The following SCYL2 variants were observed in gnomAD, a reference collection of about 807,000 sequenced individuals.
SCYL2 encodes the protein SCY1-like protein 2.
In SCYL2, 36 loss-of-function variants were observed where a neutral mutation model predicts 100.4. That is an observed-to-expected ratio of 0.36 (90% CI 0.27 to 0.47). The LOEUF (loss-of-function observed/expected upper bound fraction) is 0.47. SCYL2 is among the 20% of genes least tolerant of loss of function. The pLI is 1.00. For missense variants in SCYL2, 902 were observed against 1,083.9 expected (o/e 0.83, Z 2.36); for synonymous variants, 330 against 359.2 (o/e 0.92, Z 0.92).
chr12:100,329,511 AG>A, intron 13 of SCYL2, among the ~76,000 whole-genome samples, 192 bp downstream of exon 13: 2 of 152,320 alleles, frequency 1.3e-5, no homozygotes, highest in South Asian at 4.1e-4. Flanking sequence ...GTAAATGAGC[AG>A]GATGTTGAGA....
chr12:100,335,597 G>A (rs1226057544), intron 14 of SCYL2, 28 bp from the exon 15 acceptor site: 1 of 1,502,292 alleles, frequency 6.7e-7, no homozygotes, highest in East Asian at 2.3e-5. Context: ...TCTTTTTATT[G>A]TTTTATCATA....
chr12:100,285,103 A>G (rs576273932), intron 2 of SCYL2, among the ~76,000 whole-genome samples: 5 of 152,332 alleles, frequency 3.3e-5, no homozygotes, highest in Admixed American at 3.3e-4. Flanking sequence ...TCATGAGTGT[A>G]CAGCTTGATA....
At chr12:100,293,123 T>C (rs2096312522) in intron 3 of SCYL2, among the ~76,000 whole-genome samples, 1 of 151,972 alleles carries the variant, frequency 6.6e-6, no homozygotes, top group Non-Finnish European at 1.5e-5. Flanking sequence ...GCCTCTTCTT[T>C]TTCTTTTTTA....
In SCYL2 at chr12:100,337,493, C is replaced by A; in HGVS notation, c.2132C>A (p.Ala711Asp). ...PLKPQVHTPVATVKQTKDLTD... is the reference protein window; with the variant it reads ...PLKPQVHTPVDTVKQTKDLTD... ...AAACCCCAAGTGCACACACCTGTTGCTACTGTTAAACAGGTCAGAGTTCAT... is the reference window on the plus strand; with the variant it reads ...AAACCCCAAGTGCACACACCTGTTGATACTGTTAAACAGGTCAGAGTTCAT... The change falls in exon 17 of 18, where the codon GCT becomes GAT. Residue 711 changes from alanine to aspartate, a missense_variant. Physicochemically the swap from Ala to Asp is moderately radical, Grantham distance 126 (BLOSUM62 -2). Transcript: ENST00000360820. The A allele has an allele frequency of 6.2e-7, 1 of 1,613,498 alleles. No homozygotes were observed. The highest frequency in any genetic ancestry group is 1.1e-5 in the South Asian group (1 of 91,058).
chr12:100,308,597 CT>C (rs1566359488), intron 4 of SCYL2, among the ~76,000 whole-genome samples: 2 of 152,124 alleles, frequency 1.3e-5, no homozygotes, highest in Admixed American at 1.3e-4. Context: ...GTAAAAAAAA[CT>C]GCACATTCTG....
chr12:100,292,163 C>T (rs886612709), intron 3 of SCYL2, among the ~76,000 whole-genome samples: 8 of 152,190 alleles, frequency 5.3e-5, no homozygotes, highest in African/African-American at 4.8e-5. Flanking sequence ...GTGAGAGTGA[C>T]AAGAAAATGA....
At chr12:100,318,781 C>T (rs956173048) in intron 10 of SCYL2, among the ~76,000 whole-genome samples, 1 of 152,158 alleles carries the variant, frequency 6.6e-6, no homozygotes, top group African/African-American at 2.4e-5. Context: ...GAAAAGCAGA[C>T]AGTAATTTAG....
At chr12:100,271,558 T>C (rs1455669977) in intron 1 of SCYL2, among the ~76,000 whole-genome samples, 1 of 152,204 alleles carries the variant, frequency 6.6e-6, no homozygotes, top group Non-Finnish European at 1.5e-5. Context: ...TAAAGCAAAC[T>C]ATTTTGAGTT....
At position 100,267,194 on chromosome 12, in the gene SCYL2, C is replaced by T. The variant is rs957356346; in HGVS notation, c.-627C>T. ...GGTCTTTTAGTCTTTTTCCCCCTCC[C>T]TTACTCTTCGTCCCCGGTCCCTCCC... On this transcript the variant is annotated 5_prime_UTR_variant, in exon 1 of 18. Coordinates refer to ENST00000360820, the MANE Select transcript of SCYL2 (RefSeq NM_017988.6). 2.7e-6 allele frequency: 3 copies of T among 1,131,794 alleles called. No homozygotes were observed. The highest frequency in any genetic ancestry group is 2.5e-5 in the East Asian group (1 of 40,516). The allele number at this position is 1,131,794 out of a possible 1,614,324, so 70.1% of individuals were successfully genotyped here.
intron 16 of SCYL2, among the ~76,000 whole-genome samples, chr12:100,336,612 T>A (rs1455288215): frequency 1.3e-5 from 2 of 152,132 alleles, no homozygotes; most frequent in African/African-American, 4.8e-5. Context: ...GACTTATTAA[T>A]GGCAGACCAA....
At chr12:100,297,592 A>G (rs1430060780) in intron 3 of SCYL2, among the ~76,000 whole-genome samples, 1 of 152,210 alleles carries the variant, frequency 6.6e-6, no homozygotes, top group African/African-American at 2.4e-5. Context: ...CTCCTATTCC[A>G]GGGTCATCTG....
chr12:100,325,369 G>A (rs1413934230), intron 11 of SCYL2, among the ~76,000 whole-genome samples: 1 of 152,176 alleles, frequency 6.6e-6, no homozygotes, highest in Non-Finnish European at 1.5e-5. Context: ...GGCCGTTAAG[G>A]CATGTTGTTT....
rs569587902 is a variant in SCYL2 at position 100,339,006 on chromosome 12, C to A, written c.2624C>A (p.Pro875Gln). Residue 875 changes from proline (P) to glutamine (Q), a missense_variant, in exon 18 of 18, where the codon CCA becomes CAA. Physicochemically the swap from Pro to Gln is moderately conservative, Grantham distance 76. Transcript: ENST00000360820. ...CAGTTTGTACCTCCTCAAGGTTCTCCAACTATGGGCAGTTCAGTAATGGGG... is the reference window on the plus strand; with the variant it reads ...CAGTTTGTACCTCCTCAAGGTTCTCAAACTATGGGCAGTTCAGTAATGGGG... ...LNQFVPPQGS[P>Q]TMGSSVMGTQ... The A allele has an allele frequency of 1.2e-6, 2 of 1,614,106 alleles. No homozygotes were observed. Among genetic ancestry groups the A allele is most frequent in the Non-Finnish European group, 1.7e-6 (2 of 1,179,974 alleles).
chr12:100,295,299 G>T, intron 3 of SCYL2, among the ~76,000 whole-genome samples: 1 of 152,060 alleles, frequency 6.6e-6, no homozygotes, highest in Non-Finnish European at 1.5e-5. Flanking sequence ...ACGGGGTGGC[G>T]GCCGGGCAGA....
chr12:100,281,318 T>G (rs1487480574), intron 1 of SCYL2, among the ~76,000 whole-genome samples: 1 of 152,152 alleles, frequency 6.6e-6, no homozygotes, highest in African/African-American at 2.4e-5. Context: ...CCTGAATGCT[T>G]CTTTATTAGG....
At chr12:100,295,941 G>A (rs1366360493) in intron 3 of SCYL2, among the ~76,000 whole-genome samples, 3 of 152,198 alleles carry the variant, frequency 2.0e-5, no homozygotes, top group Non-Finnish European at 4.4e-5. Context: ...CTGGCTCTAA[G>A]CCCAGCCCCA....
At chr12:100,285,063 T>A (rs1412888588) in intron 2 of SCYL2, among the ~76,000 whole-genome samples, 1 of 152,206 alleles carries the variant, frequency 6.6e-6, no homozygotes. Flanking sequence ...TAATAACTTA[T>A]GTTCAGCATA....
intron 4 of SCYL2, 57 bp downstream of exon 4, chr12:100,298,232 G>A: frequency 2.3e-6 from 3 of 1,310,112 alleles, no homozygotes; most frequent in Non-Finnish European, 3.1e-6. Context: ...ATTGGTTTTG[G>A]CATTTCAAAC....
intron 15 of SCYL2, 49 bp downstream of exon 15, chr12:100,335,740 T>C (rs1273559549): frequency 6.3e-7 from 1 of 1,589,786 alleles, no homozygotes; most frequent in Non-Finnish European, 8.6e-7. Context: ...TCTGGAGGGC[T>C]TTTAATCTTT....
Sources: allele counts gnomAD v4.1 joint callset (sites outside exome capture counted in the v4.1 genomes callset), GRCh38; gene constraint gnomAD v4.1.1; transcripts MANE v1.5; gene names NCBI Gene and HGNC (gene_info 2026-07-23, HGNC 2026-07-21).